The following FSTL5 variants were observed in gnomAD, a reference collection of about 807,000 sequenced individuals.
FSTL5 encodes the protein follistatin-related protein 5.
FSTL5 carries 62 observed loss-of-function variants against 89.1 expected under a neutral mutation model. The ratio of observed to expected loss-of-function variants is 0.70; its 90% CI spans 0.57 to 0.86. The LOEUF (loss-of-function observed/expected upper bound fraction) is 0.86, where lower values mean the gene tolerates loss of function less well. Ranked by LOEUF, FSTL5 falls within the 40% of genes least tolerant of loss-of-function variation. The pLI is 0.00. For synonymous variants in FSTL5, 383 were observed against 346.2 expected (o/e 1.11, Z -1.18); for missense variants, 1,057 against 1,001.6 (o/e 1.06, Z -0.75).
chr4:161,408,661 C>A (rs1359367200), intron 15 of FSTL5, among the ~76,000 whole-genome samples: 2 of 152,056 alleles, frequency 1.3e-5, no homozygotes, highest in African/African-American at 4.8e-5. Flanking sequence ...AAAACTCTGT[C>A]CAAGGAAGCC....
At chr4:162,089,171 T>C (rs1333511727) in intron 2 of FSTL5, among the ~76,000 whole-genome samples, 1 of 152,158 alleles carries the variant, frequency 6.6e-6, no homozygotes, top group Non-Finnish European at 1.5e-5. Context: ...AGGCACTTGC[T>C]AGTTGCTGGC....
chr4:162,011,686 G>A (rs946748593), intron 3 of FSTL5, among the ~76,000 whole-genome samples: 3 of 151,962 alleles, frequency 2.0e-5, no homozygotes, highest in Admixed American at 6.6e-5. Context: ...TAGTAGAGAC[G>A]GGGTTTCACC....
chr4:161,635,334 G>A (rs1324551526), intron 7 of FSTL5, among the ~76,000 whole-genome samples: 1 of 152,176 alleles, frequency 6.6e-6, no homozygotes. Context: ...GTTCCAGTGA[G>A]CCGAGATGGC....
rs542942301 is a variant in FSTL5, at chr4:161,486,532, T to C, written c.1459-5363A>G. Among the ~76,000 whole-genome samples the C allele has an allele frequency of 6.6e-4, 101 of 152,328 alleles. 1 individual carries two copies. The highest frequency in any genetic ancestry group is 2.4e-3 in the African/African-American group (98 of 41,582). ...TAGTAGTTATGAAAAATAAACATAT[T>C]TTAGTAGTTTTGCATTGTTTTACTT... On this transcript the variant is annotated intron_variant, in intron 12 of 15. Transcript: ENST00000306100.
intron 2 of FSTL5, among the ~76,000 whole-genome samples, chr4:162,081,793 TTCTCTCTCTC>T (rs5863514): frequency 9.4e-5 from 14 of 148,620 alleles, no homozygotes; most frequent in Admixed American, 5.4e-4. Context: ...AGAAAACTGC[TTCTCTCTCTC>T]TCTCTCTCTC....
intron 8 of FSTL5, among the ~76,000 whole-genome samples, chr4:161,553,726 T>C (rs1732292897): frequency 6.6e-6 from 1 of 151,522 alleles, no homozygotes; most frequent in East Asian, 1.9e-4. Flanking sequence ...ATGAATTAGA[T>C]TGTTAGCTAT....
intron 6 of FSTL5, among the ~76,000 whole-genome samples, chr4:161,697,695 G>A (rs1560795852): frequency 1.3e-5 from 2 of 152,074 alleles, no homozygotes; most frequent in South Asian, 2.1e-4. Flanking sequence ...CCTGTCATTC[G>A]CTGTAATGTA....
chr4:161,484,562 GCTT>G (rs1253854959), intron 12 of FSTL5, among the ~76,000 whole-genome samples: 1 of 152,114 alleles, frequency 6.6e-6, no homozygotes, highest in African/African-American at 2.4e-5. Flanking sequence ...TTTTGAGCAA[GCTT>G]TCTGGAACAT....
chr4:162,137,072 AAG>A (rs1732548264), intron 1 of FSTL5, among the ~76,000 whole-genome samples: 1 of 152,104 alleles, frequency 6.6e-6, no homozygotes, highest in Non-Finnish European at 1.5e-5. Context: ...CATACTAAAC[AAG>A]AGAGAATACA....
chr4:161,852,405 ATTGAG>A (rs1731582038), intron 4 of FSTL5, among the ~76,000 whole-genome samples: 1 of 152,176 alleles, frequency 6.6e-6, no homozygotes, highest in Non-Finnish European at 1.5e-5. Flanking sequence ...TCAAAACCAC[ATTGAG>A]ATACCATCTC....
At chr4:162,124,480 A>T (rs1242407256) in intron 1 of FSTL5, among the ~76,000 whole-genome samples, 1 of 152,176 alleles carries the variant, frequency 6.6e-6, no homozygotes, top group African/African-American at 2.4e-5. Context: ...CCAGATTGAT[A>T]GTGAAGTGTA....
chr4:161,948,811 C>A (rs1318136513), intron 3 of FSTL5, among the ~76,000 whole-genome samples: 1 of 151,646 alleles, frequency 6.6e-6, no homozygotes, highest in Non-Finnish European at 1.5e-5. Flanking sequence ...TTTAAAAGAC[C>A]TTATTCCATC....
At chr4:161,692,242 G>A (rs1416134523) in intron 6 of FSTL5, among the ~76,000 whole-genome samples, 2 of 151,716 alleles carry the variant, frequency 1.3e-5, no homozygotes, top group Non-Finnish European at 2.9e-5. Context: ...ATCACATTAA[G>A]GAAGCTATCA....
Position 161,399,536 on chromosome 4 carries a change from T to C in FSTL5, c.1842-13087A>G, listed in dbSNP as rs28653058. On this transcript the variant is annotated intron_variant, in intron 15 of 15. Transcript: ENST00000306100. The stretch of plus-strand genomic sequence containing the variant: ...AACCACATCTGTAGACCTCCATCTA[T>C]GGTACATTATCGAGCCAACCAACTT... Among the ~76,000 whole-genome samples the C allele has an allele frequency of 9.8e-3, 1,494 of 152,146 alleles. 20 individuals carry two copies. Among genetic ancestry groups the C allele is most frequent in the East Asian group, 0.054 (278 of 5,174 alleles).
intron 8 of FSTL5, among the ~76,000 whole-genome samples, chr4:161,550,820 G>A (rs919463051): frequency 2.6e-5 from 4 of 151,848 alleles, no homozygotes; most frequent in Non-Finnish European, 4.4e-5. Context: ...ACCTATGAGT[G>A]AGAATATGCG....
At chr4:161,469,829 A>G (rs1733875552) in intron 13 of FSTL5, among the ~76,000 whole-genome samples, 1 of 151,856 alleles carries the variant, frequency 6.6e-6, no homozygotes, top group African/African-American at 2.4e-5. Context: ...ATTTTAGTAG[A>G]GACGGAGTTT....
intron 4 of FSTL5, among the ~76,000 whole-genome samples, chr4:161,848,240 C>T (rs1731438549): frequency 6.6e-6 from 1 of 151,946 alleles, no homozygotes; most frequent in African/African-American, 2.4e-5. Context: ...CATGATTAGG[C>T]TTTTCATAAA....
intron 1 of FSTL5, among the ~76,000 whole-genome samples, chr4:162,151,238 T>G (rs1287614419): frequency 1.3e-5 from 2 of 152,158 alleles, no homozygotes; most frequent in African/African-American, 4.8e-5. Context: ...AGGTTTTATA[T>G]TTTGAGCAGA....
chr4:161,989,816 A>T (rs183770232), intron 3 of FSTL5, among the ~76,000 whole-genome samples: 6 of 152,272 alleles, frequency 3.9e-5, no homozygotes, highest in Admixed American at 3.9e-4. Context: ...ATTACAGGAT[A>T]CTAAATAGGT....
Sources: gnomAD v4.1 joint callset for allele counts (sites outside exome capture counted in the v4.1 genomes callset) on GRCh38, gnomAD v4.1.1 for gene constraint, MANE v1.5 for transcripts, NCBI Gene and HGNC (gene_info 2026-07-23, HGNC 2026-07-21) for gene names.